GLIS3: variants seen among roughly 807,000 people sequenced by gnomAD.
GLIS3 encodes the protein zinc finger protein GLIS3.
Under a neutral mutation model 78.6 loss-of-function variants are expected in GLIS3, and 53 were observed. That is an observed-to-expected ratio of 0.67 (90% confidence interval 0.54 to 0.85). The LOEUF (loss-of-function observed/expected upper bound fraction) is 0.85, where lower values mean the gene tolerates loss of function less well. GLIS3 is among the 40% of genes least tolerant of loss of function. GLIS3 has a pLI of 0.00. For missense variants in GLIS3, 1,703 were observed against 1,231.1 expected, an observed-to-expected ratio of 1.38 and a Z score of -5.74; for synonymous variants, 684 against 509.9, an observed-to-expected ratio of 1.34 and a Z score of -4.60.
chr9:4,162,714 G>A (rs1257971785), intron 2 of GLIS3, among the ~76,000 whole-genome samples: 1 of 150,568 alleles, frequency 6.6e-6, no homozygotes, highest in East Asian at 1.9e-4. Flanking sequence ...AAAATAAGCT[G>A]GGCATAGTGG....
chr9:4,152,038 C>T, intron 2 of GLIS3: 5 of 567,366 alleles, frequency 8.8e-6, no homozygotes, highest in Non-Finnish European at 1.1e-5. Flanking sequence ...AAAACCAGAA[C>T]CTCAAACCCT....
chr9:3,964,223 T>C (rs1817764573), intron 4 of GLIS3, among the ~76,000 whole-genome samples: 1 of 152,234 alleles, frequency 6.6e-6, no homozygotes, highest in Non-Finnish European at 1.5e-5. Context: ...GTCTCTCACA[T>C]AGCCTTTTGT....
At chr9:4,257,642 C>A (rs7854248) in intron 2 of GLIS3, among the ~76,000 whole-genome samples, 92,324 of 151,158 alleles carry the variant, frequency 0.61, 28,601 homozygotes, top group East Asian at 0.74. Flanking sequence ...GGCACAATCT[C>A]GGCTCACTGC....
intron 2 of GLIS3, among the ~76,000 whole-genome samples, chr9:4,249,744 T>C (rs1241690316): frequency 6.6e-6 from 1 of 152,236 alleles, no homozygotes; most frequent in East Asian, 1.9e-4. Context: ...AGTATGATAT[T>C]GACTGTGGGT....
At chr9:4,190,561 G>A (rs551552970) in intron 2 of GLIS3, among the ~76,000 whole-genome samples, 3 of 146,786 alleles carry the variant, frequency 2.0e-5, no homozygotes, top group Admixed American at 7.0e-5. Context: ...TCTGATTGGT[G>A]TACCTGAAAG....
At chr9:4,063,722 C>T (rs145703672) in intron 4 of GLIS3, among the ~76,000 whole-genome samples, 1,949 of 152,204 alleles carry the variant, frequency 0.013, 22 homozygotes, top group Middle Eastern at 0.034. Context: ...TTACCTAGAA[C>T]ATCTTAGAAA....
intron 2 of GLIS3, among the ~76,000 whole-genome samples, chr9:4,252,163 T>C (rs950994811): frequency 1.3e-5 from 2 of 152,204 alleles, no homozygotes; most frequent in African/African-American, 2.4e-5. Context: ...TCTTGCTAGG[T>C]TGGGGAAGTT....
chr9:4,121,762 C>A (rs1393014614), intron 3 of GLIS3, among the ~76,000 whole-genome samples: 1 of 152,136 alleles, frequency 6.6e-6, no homozygotes, highest in African/African-American at 2.4e-5. Flanking sequence ...TTGTATCCCA[C>A]ATGTCACCCA....
chr9:3,866,369 G>C (rs1820583867), intron 8 of GLIS3, among the ~76,000 whole-genome samples: 1 of 152,198 alleles, frequency 6.6e-6, no homozygotes. Flanking sequence ...GCTGAGGCAG[G>C]AGAATGGCAT....
chr9:4,126,604 C>G (rs908305157), intron 2 of GLIS3, among the ~76,000 whole-genome samples: 2 of 152,092 alleles, frequency 1.3e-5, no homozygotes, highest in African/African-American at 2.4e-5. Flanking sequence ...GTAGTAAAAG[C>G]TGGTACATAC....
At chr9:4,006,742 T>C (rs889213689) in intron 4 of GLIS3, among the ~76,000 whole-genome samples, 2 of 152,220 alleles carry the variant, frequency 1.3e-5, no homozygotes, top group Non-Finnish European at 2.9e-5. Flanking sequence ...TGGCTTGTTC[T>C]AAAACTACCC....
At chr9:4,068,199 A>C (rs1185222413) in intron 4 of GLIS3, among the ~76,000 whole-genome samples, 1 of 152,174 alleles carries the variant, frequency 6.6e-6, no homozygotes, top group African/African-American at 2.4e-5. Context: ...AAATTTTAAA[A>C]ACCGTTTTTA....
chr9:4,454,853 C>A, the GLIS3 span, among the ~76,000 whole-genome samples: 1 of 152,274 alleles, frequency 6.6e-6, no homozygotes, highest in Non-Finnish European at 1.5e-5. Flanking sequence ...GGGGATCTCA[C>A]AAATTTGAAG....
intron 9 of GLIS3, among the ~76,000 whole-genome samples, chr9:3,847,800 C>A (rs1247816802): frequency 6.6e-6 from 1 of 152,180 alleles, no homozygotes; most frequent in Admixed American, 6.5e-5. Context: ...TTATGTAAAA[C>A]TGTTCTTGGG....
At chr9:4,388,306 G>C in the GLIS3 span, among the ~76,000 whole-genome samples, 4 of 152,090 alleles carry the variant, frequency 2.6e-5, no homozygotes, top group African/African-American at 9.7e-5. Flanking sequence ...CTCGGGAAAA[G>C]CTGTTCACAT....
chr9:3,928,324 C>T (rs1825386081), intron 6 of GLIS3, among the ~76,000 whole-genome samples: 1 of 152,146 alleles, frequency 6.6e-6, no homozygotes, highest in Admixed American at 6.6e-5. Flanking sequence ...GAAGGGTTTG[C>T]AAAATCTGGG....
At chr9:3,940,326 T>C (rs1815787013) in intron 4 of GLIS3, among the ~76,000 whole-genome samples, 3 of 152,200 alleles carry the variant, frequency 2.0e-5, no homozygotes, top group Admixed American at 1.3e-4. Context: ...TCTCACTTTG[T>C]AAACTGACAT....
chr9:3,892,185 G>A (rs145741152), intron 7 of GLIS3, among the ~76,000 whole-genome samples: 58 of 152,168 alleles, frequency 3.8e-4, no homozygotes, highest in Non-Finnish European at 7.8e-4. Context: ...TAGAGAGAAC[G>A]GGACTGGAGT....
chr9:4,269,397 C>T (rs902641397), intron 2 of GLIS3, among the ~76,000 whole-genome samples: 1 of 152,212 alleles, frequency 6.6e-6, no homozygotes, highest in Non-Finnish European at 1.5e-5. Context: ...ATTTAGGCTA[C>T]ACTTATACTG....
Sources: allele counts gnomAD v4.1 joint callset (sites outside exome capture counted in the v4.1 genomes callset), GRCh38; gene constraint gnomAD v4.1.1; transcripts MANE v1.5; gene names NCBI Gene and HGNC (gene_info 2026-07-23, HGNC 2026-07-21).